HIBCH: variants seen among roughly 807,000 people sequenced by gnomAD.
HIBCH encodes 3-hydroxyisobutyryl-CoA hydrolase, mitochondrial.
A neutral mutation model predicts 58.2 loss-of-function variants in HIBCH; 50 were observed. The ratio of observed to expected loss-of-function variants is 0.86; its 90% CI spans 0.68 to 1.09. The LOEUF (loss-of-function observed/expected upper bound fraction) is 1.09. Among genes scored for constraint, HIBCH ranks in the 50% least tolerant of loss-of-function variants. HIBCH has a pLI of 0.00. For missense variants in HIBCH, 450 were observed against 449.7 expected (o/e 1.00, Z -0.01); for synonymous variants, 151 against 146.9 (o/e 1.03, Z -0.20).
At chr2:190,284,416 C>T (rs1343948398) in intron 6 of HIBCH, among the ~76,000 whole-genome samples, 1 of 152,114 alleles carries the variant, frequency 6.6e-6, no homozygotes, top group East Asian at 1.9e-4. Context: ...CTTATAGCAC[C>T]AAAGGGCAGC....
At chr2:190,212,879 G>C (rs1298812063) in intron 12 of HIBCH, 77 bp downstream of exon 12, 7 of 1,271,756 alleles carry the variant, frequency 5.5e-6, no homozygotes, top group Non-Finnish European at 6.7e-6. Context: ...TTTGCACTTA[G>C]TGTATTTTAC....
intron 7 of HIBCH, among the ~76,000 whole-genome samples, chr2:190,259,319 ATGTGTGTGTGTGTGTGTGTGTGTG>A (rs370172555): frequency 1.4e-4 from 17 of 122,114 alleles, no homozygotes; most frequent in South Asian, 5.9e-4. Flanking sequence ...CAGTATACAG[ATGTGTGTGTGTGTGTGTGTGTGTG>A]TGTGTGTGTG....
At chr2:190,309,880 T>C (rs60857137) in intron 2 of HIBCH, among the ~76,000 whole-genome samples, 2,131 of 152,186 alleles carry the variant, frequency 0.014, 58 homozygotes, top group African/African-American at 0.047. Context: ...GTCAACGTGA[T>C]TGGATTGAAG....
At chr2:190,300,003 C>CT (rs1406345160) in intron 2 of HIBCH, among the ~76,000 whole-genome samples, 1 of 152,118 alleles carries the variant, frequency 6.6e-6, no homozygotes, top group South Asian at 2.1e-4. Context: ...TAGTCTTCTT[C>CT]TTTTTTATGG....
rs1690385670 is a variant in HIBCH, at chr2:190,206,170, C to T, written c.1046-938G>A. ...GCAGTATGGGAACCAAGGAAGAAGA[C>T]TGCCTTGGTAGGTGGAGGGAAGCTT... is the stretch of plus-strand genomic sequence containing the variant. On this transcript the variant is annotated intron_variant, in intron 13 of 13. Transcript: ENST00000359678. The surrounding 1 kb of genome is among the most constrained non-coding windows in gnomAD (Gnocchi z 5.1). 6.6e-6 allele frequency among the ~76,000 whole-genome samples: 1 copy of T among 152,192 alleles called. No homozygotes were observed. Among genetic ancestry groups the T allele is most frequent in the Admixed American group, 6.5e-5 (1 of 15,274 alleles).
chr2:190,289,482 G>A (rs1687912143), intron 5 of HIBCH, among the ~76,000 whole-genome samples: 2 of 152,200 alleles, frequency 1.3e-5, no homozygotes, highest in African/African-American at 4.8e-5. Context: ...AAAAATTAAT[G>A]ACAATGGTTG....
At chr2:190,253,464 A>C (rs1397452309) in intron 7 of HIBCH, among the ~76,000 whole-genome samples, 1 of 152,130 alleles carries the variant, frequency 6.6e-6, no homozygotes, top group Admixed American at 6.6e-5. Flanking sequence ...GCTAGGTCTC[A>C]AGTTAAACTC....
chr2:190,203,485 CT>C (rs1461171272), downstream of HIBCH: 6 of 164,390 alleles, frequency 3.6e-5, no homozygotes, highest in Non-Finnish European at 7.3e-5. Context: ...TTGCAATTAA[CT>C]AGTGTGAGCT....
At chr2:190,196,849 T>C (rs1309410427) in intron 1 of HIBCH, among the ~76,000 whole-genome samples, 2 of 152,206 alleles carry the variant, frequency 1.3e-5, no homozygotes, top group African/African-American at 4.8e-5. Context: ...AGACCCTATG[T>C]GTCTTAGTCC....
At chr2:190,222,217 TG>T (rs1685741074) in intron 11 of HIBCH, among the ~76,000 whole-genome samples, 1 of 152,118 alleles carries the variant, frequency 6.6e-6, no homozygotes, top group African/African-American at 2.4e-5. Flanking sequence ...CTCACTCACT[TG>T]TGTTCCCCAC....
In HIBCH at chr2:190,281,863, C is replaced by G. The variant is rs1231936334; in HGVS notation, c.438+5723G>C. 6.6e-6 allele frequency among the ~76,000 whole-genome samples: 1 copy of G among 152,176 alleles called. No homozygotes were observed. Among genetic ancestry groups the G allele is most frequent in the African/African-American group, 2.4e-5 (1 of 41,440 alleles). On this transcript the variant is annotated intron_variant, in intron 6 of 13. Coordinates refer to ENST00000359678, the MANE Select transcript of HIBCH (RefSeq NM_014362.4). This position sits in a 1 kb window ranked among gnomAD's most constrained non-coding sequence, Gnocchi z 5.4. ...AAATTCCTGAATTCCATAAAGCCCT[C>G]AGACATGGACACATCCAGCCAGGTT... is the stretch of plus-strand genomic sequence containing the variant.
At chr2:190,311,983 G>A (rs1025844573) in intron 1 of HIBCH, among the ~76,000 whole-genome samples, 5 of 152,166 alleles carry the variant, frequency 3.3e-5, no homozygotes, top group East Asian at 1.9e-4. Context: ...GAACAAACAC[G>A]GAATGTTGGA....
At chr2:190,238,233 T>C (rs1686341011) in intron 11 of HIBCH, among the ~76,000 whole-genome samples, 1 of 152,160 alleles carries the variant, frequency 6.6e-6, no homozygotes, top group Non-Finnish European at 1.5e-5. Flanking sequence ...TCTAGATCCT[T>C]GAGGAATCGG....
At chr2:190,255,852 T>C (rs931621907) in intron 7 of HIBCH, among the ~76,000 whole-genome samples, 1 of 151,446 alleles carries the variant, frequency 6.6e-6, no homozygotes, top group Non-Finnish European at 1.5e-5. Flanking sequence ...AGAGAGAGTG[T>C]GTGTGTGTGT....
chr2:190,212,960 C>A lies in HIBCH; in HGVS notation c.1007G>T (p.Cys336Phe). 6.2e-7 allele frequency: 1 copy of A among 1,610,202 alleles called. No individual in the cohort carries two copies. The highest frequency in any genetic ancestry group is 8.5e-7 in the Non-Finnish European group (1 of 1,177,946). The stretch of plus-strand genomic sequence containing the variant: ...ATTTTTTTTTTAAATTCTTACCATA[C>A]AAGCTTGACTTAGCCGATACTCCAT... ...LTMEYRLSQA[C>F]MRGHDFHEGV... The change falls in exon 12 of 14, where the codon TGT becomes TTT. Residue 336 changes from cysteine (C) to phenylalanine (F), a missense_variant. Coordinates refer to ENST00000359678, the MANE Select transcript of HIBCH (RefSeq NM_014362.4).
chr2:190,219,586 CCT>C (rs1238657593), intron 11 of HIBCH, among the ~76,000 whole-genome samples: 2 of 152,154 alleles, frequency 1.3e-5, no homozygotes, highest in Non-Finnish European at 2.9e-5. Context: ...TTGAAGAGCC[CCT>C]GAGCTAACTA....
chr2:190,273,879 G>GGC (rs796568303), intron 6 of HIBCH, among the ~76,000 whole-genome samples: 52 of 151,706 alleles, frequency 3.4e-4, no homozygotes, highest in African/African-American at 1.1e-3. Flanking sequence ...AGACAATCAT[G>GGC]GCTCACTGCA....
chr2:190,218,413 G>C (rs762629820), intron 11 of HIBCH, among the ~76,000 whole-genome samples: 1 of 152,066 alleles, frequency 6.6e-6, no homozygotes, highest in Non-Finnish European at 1.5e-5. Context: ...AACCCTGGAG[G>C]TATACATTAG....
intron 6 of HIBCH, among the ~76,000 whole-genome samples, chr2:190,283,158 TA>T (rs1687747258): frequency 6.6e-6 from 1 of 152,236 alleles, no homozygotes; most frequent in African/African-American, 2.4e-5. Flanking sequence ...ATATGAGTTC[TA>T]AATTTCTCTT....
Sources: allele counts gnomAD v4.1 joint callset (sites outside exome capture counted in the v4.1 genomes callset), GRCh38; gene constraint gnomAD v4.1.1; non-coding constraint Gnocchi (gnomAD v3.1); transcripts MANE v1.5; gene names NCBI Gene and HGNC (gene_info 2026-07-23, HGNC 2026-07-21).